Variants in SEMA5A observed in about 807,000 individuals in gnomAD.
The protein encoded by SEMA5A is semaphorin 5A.
In SEMA5A, 55 loss-of-function variants were observed where a neutral mutation model predicts 135.5. That is an observed-to-expected ratio of 0.41 (90% CI 0.33 to 0.51). The LOEUF is 0.51. Among genes scored for constraint, SEMA5A ranks in the 20% least tolerant of loss-of-function variants. SEMA5A has a pLI of 0.37. For synonymous variants in SEMA5A, 580 were observed against 546.5 expected (o/e 1.06, Z -0.85); for missense variants, 1,290 against 1,419.9 (o/e 0.91, Z 1.47).
chr5:9,510,067 C>A (rs902540151), intron 1 of SEMA5A, among the ~76,000 whole-genome samples: 1 of 152,042 alleles, frequency 6.6e-6, no homozygotes, highest in African/African-American at 2.4e-5. Flanking sequence ...GGGGCCACGA[C>A]GGTGGAAAAA....
chr5:9,101,674 T>C (rs193071077), intron 16 of SEMA5A, among the ~76,000 whole-genome samples: 2 of 152,278 alleles, frequency 1.3e-5, no homozygotes, highest in East Asian at 1.9e-4. Context: ...CTAATCCAGG[T>C]CCACCGGCTT....
chr5:9,429,634 A>C (rs896250442), intron 2 of SEMA5A, among the ~76,000 whole-genome samples: 1 of 152,230 alleles, frequency 6.6e-6, no homozygotes, highest in African/African-American at 2.4e-5. Flanking sequence ...ACAAGGTAAG[A>C]GTTGAATAAA....
At chr5:9,151,682 T>A (rs1399456564) in intron 12 of SEMA5A, among the ~76,000 whole-genome samples, 1 of 152,170 alleles carries the variant, frequency 6.6e-6, no homozygotes, top group Non-Finnish European at 1.5e-5. Context: ...TGGGTTGAAA[T>A]CTTTAGTTTT....
chr5:9,356,557 G>C (rs1413374268), intron 3 of SEMA5A, among the ~76,000 whole-genome samples: 1 of 152,308 alleles, frequency 6.6e-6, no homozygotes, highest in East Asian at 1.9e-4. Flanking sequence ...AAGTTCAAAG[G>C]GACTTGTGTT....
At chr5:9,343,414 G>A (rs1753734640) in intron 3 of SEMA5A, among the ~76,000 whole-genome samples, 1 of 152,000 alleles carries the variant, frequency 6.6e-6, no homozygotes, top group Non-Finnish European at 1.5e-5. Flanking sequence ...GAAAATGAAA[G>A]AGCTGTGTCT....
chr5:9,134,892 T>C (rs1247470396), intron 13 of SEMA5A, among the ~76,000 whole-genome samples: 1 of 152,160 alleles, frequency 6.6e-6, no homozygotes, highest in East Asian at 1.9e-4. Flanking sequence ...TTCTTAGTAT[T>C]TTTCAGAAAT....
chr5:9,145,858 T>C (rs1742307500), intron 12 of SEMA5A, among the ~76,000 whole-genome samples: 1 of 150,162 alleles, frequency 6.7e-6, no homozygotes, highest in Non-Finnish European at 1.5e-5. Context: ...TTGACCAGAC[T>C]AGTCTTGAAC....
intron 2 of SEMA5A, among the ~76,000 whole-genome samples, chr5:9,434,176 T>G (rs1003432347): frequency 1.3e-5 from 2 of 152,206 alleles, no homozygotes; most frequent in Admixed American, 6.5e-5. Flanking sequence ...GATAGAGTAT[T>G]ACATATACAT....
At chr5:9,193,680 A>G (rs1579581889) in intron 10 of SEMA5A, among the ~76,000 whole-genome samples, 2 of 152,138 alleles carry the variant, frequency 1.3e-5, no homozygotes, top group East Asian at 3.9e-4. Flanking sequence ...CAAGTGGATC[A>G]CGAGGTCAGG....
At chr5:9,142,797 T>C (rs149218757) in intron 12 of SEMA5A, among the ~76,000 whole-genome samples, 13 of 152,270 alleles carry the variant, frequency 8.5e-5, no homozygotes, top group South Asian at 2.1e-4. Flanking sequence ...TCTTGAACCA[T>C]GTTCAAAAAT....
chr5:9,178,684 T>C (rs1744341884), intron 11 of SEMA5A, among the ~76,000 whole-genome samples: 1 of 152,186 alleles, frequency 6.6e-6, no homozygotes, highest in Non-Finnish European at 1.5e-5. Flanking sequence ...AGTTAAAAAG[T>C]GTTGGTAATG....
At chr5:9,480,462 T>C (rs555142795) in intron 1 of SEMA5A, among the ~76,000 whole-genome samples, 3 of 152,254 alleles carry the variant, frequency 2.0e-5, no homozygotes, top group South Asian at 4.2e-4. Flanking sequence ...ACAGCATTAA[T>C]AATTCAATAA....
chr5:9,343,388 G>A (rs931124355), intron 3 of SEMA5A, among the ~76,000 whole-genome samples: 1 of 152,110 alleles, frequency 6.6e-6, no homozygotes, highest in Admixed American at 6.5e-5. Context: ...GGGGGGCAGG[G>A]ACAAGGTACT....
intron 1 of SEMA5A, among the ~76,000 whole-genome samples, chr5:9,487,690 C>G (rs1296275053): frequency 6.6e-6 from 1 of 151,950 alleles, no homozygotes; most frequent in Non-Finnish European, 1.5e-5. Flanking sequence ...GATAGGACAC[C>G]CCTCCACTCA....
intron 3 of SEMA5A, among the ~76,000 whole-genome samples, chr5:9,354,795 T>C (rs1754371024): frequency 6.6e-6 from 1 of 152,164 alleles, no homozygotes; most frequent in Non-Finnish European, 1.5e-5. Context: ...AAGGCCAGTC[T>C]GTGCAGGTAA....
Position 9,122,841 on chromosome 5 carries a change from G to A in SEMA5A, c.1600-4C>T, listed in dbSNP as rs1740888803. The A allele has an allele frequency of 1.3e-6, 2 of 1,590,144 alleles. No individual in the cohort carries two copies. Among genetic ancestry groups the A allele is most frequent in the Admixed American group, 1.7e-5 (1 of 58,204 alleles). On this transcript the variant is annotated splice_polypyrimidine_tract_variant and splice_region_variant and intron_variant, in intron 13 of 22. Coordinates refer to ENST00000382496, the MANE Select transcript of SEMA5A (RefSeq NM_003966.3). ...CATCCACGGTGAGATTCCTGGTCTA[G>A]GAAGCAAAACCAAGCAGAGGTGTCA...
At chr5:9,458,709 A>T (rs1758941408) in intron 1 of SEMA5A, among the ~76,000 whole-genome samples, 1 of 152,326 alleles carries the variant, frequency 6.6e-6, no homozygotes, top group South Asian at 2.1e-4. Flanking sequence ...AGTTTGCTGT[A>T]AAATGGAGCA....
intron 8 of SEMA5A, among the ~76,000 whole-genome samples, chr5:9,213,675 T>C (rs766208843): frequency 6.6e-6 from 1 of 152,160 alleles, no homozygotes; most frequent in African/African-American, 2.4e-5. Flanking sequence ...CATGCATCCA[T>C]AGACTGTGGA....
chr5:9,272,823 C>T (rs1458831827), intron 5 of SEMA5A, among the ~76,000 whole-genome samples: 1 of 152,126 alleles, frequency 6.6e-6, no homozygotes. Context: ...CAACATCAAC[C>T]AAAAGGATGC....
Sources: allele counts gnomAD v4.1 joint callset (sites outside exome capture counted in the v4.1 genomes callset), GRCh38; gene constraint gnomAD v4.1.1; transcripts MANE v1.5; gene names NCBI Gene and HGNC (gene_info 2026-07-23, HGNC 2026-07-21).